Variants in PPIC observed in about 807,000 individuals in gnomAD.
The protein encoded by PPIC is peptidylprolyl isomerase C.
In PPIC, 19 loss-of-function variants were observed where a neutral mutation model predicts 19.5. That is an observed-to-expected ratio of 0.98 (90% CI 0.68 to 1.43). The LOEUF (loss-of-function observed/expected upper bound fraction) is 1.43. Ranked by LOEUF, PPIC falls within the 40% of genes most tolerant of loss-of-function variation. The pLI, the probability that PPIC is intolerant of heterozygous loss-of-function variation, is 0.00. For missense variants in PPIC, 268 were observed against 268.6 expected (o/e 1.00, Z 0.02); for synonymous variants, 107 against 101.2 (o/e 1.06, Z -0.34).
At position 123,036,650 on chromosome 5, in the gene PPIC, C is replaced by G; in HGVS notation, c.-25G>C. 2 of 1,546,140 alleles carry G rather than the reference C, an allele frequency of 1.3e-6. No individual in the cohort carries two copies. The highest frequency in any genetic ancestry group is 1.7e-4 in the Middle Eastern group (1 of 5,734). On this transcript the variant is annotated 5_prime_UTR_variant, in exon 1 of 5. Coordinates refer to ENST00000306442, the MANE Select transcript of PPIC (RefSeq NM_000943.5). This position sits in a 1 kb window ranked among gnomAD's most constrained non-coding sequence, Gnocchi z 4.5. ...TGGTGAGCGGTGGCAGCGGCGCTAC[C>G]GGCACGGGCGCTACCGGCACGGGCG... is the stretch of plus-strand genomic sequence containing the variant.
chr5:123,035,796 G>C (rs1373708814), intron 1 of PPIC, among the ~76,000 whole-genome samples: 1 of 152,160 alleles, frequency 6.6e-6, no homozygotes, highest in Non-Finnish European at 1.5e-5. Context: ...TTAAGTACGA[G>C]GAAGCCTTAA....
In PPIC at chr5:123,036,482, A is replaced by G. The variant is rs746217703; in HGVS notation, c.117+27T>C. 11 of 1,576,924 alleles carry G rather than the reference A, an allele frequency of 7.0e-6. No individual in the cohort carries two copies. The Admixed American group carries it at 8.5e-5, about 12-fold the overall frequency. On this transcript the variant is annotated intron_variant, in intron 1 of 4. Transcript: ENST00000306442. This position sits in a 1 kb window ranked among gnomAD's most constrained non-coding sequence, Gnocchi z 4.5. ...CCCAGGGCCCCGCCCGCAACAGGGG[A>G]AGTTGCAGCCCGCCGCTCTCGGTCA...
chr5:123,023,716 T>A lies in PPIC; in HGVS notation c.*159A>T. The A allele has an allele frequency of 8.6e-7, 1 of 1,164,856 alleles. No homozygotes were observed. Among genetic ancestry groups the A allele is most frequent in the Non-Finnish European group, 1.1e-6 (1 of 898,912 alleles). The allele number at this position is 1,164,856 out of a possible 1,614,324, so 72.2% of individuals were successfully genotyped here. ...ACTAAAGTTCAAGCAAACTAAAGGG[T>A]GACGGTTTGATTTTTATAACTTTCC... On this transcript the variant is annotated 3_prime_UTR_variant, in exon 5 of 5. Transcript: ENST00000306442.
Position 123,029,351 on chromosome 5 carries a change from A to G in PPIC, c.185T>C (p.Val62Ala), listed in dbSNP as rs149760468. 3.8e-5 allele frequency: 61 copies of G among 1,612,028 alleles called. 1 individual carries two copies. The highest frequency in any genetic ancestry group is 8.8e-5 in the South Asian group (8 of 90,630). ...GRIVIGLFGK[V>A]VPKTVENFVA... The stretch of plus-strand genomic sequence containing the variant: ...AAAATTTTCCACTGTCTTGGGCACA[A>G]CTTTTCCAAAGAGGCCAATCACAAT... Residue 62 changes from valine (V) to alanine (A), a missense_variant, in exon 2 of 5, where the codon GTT becomes GCT. Val to Ala is a moderately conservative substitution (Grantham distance 64). Coordinates refer to ENST00000306442, the MANE Select transcript of PPIC (RefSeq NM_000943.5).
At chr5:123,029,136 C>G (rs1214933879) in intron 2 of PPIC, 169 bp downstream of exon 2, 2 of 1,284,600 alleles carry the variant, frequency 1.6e-6, no homozygotes, top group Non-Finnish European at 2.1e-6. Flanking sequence ...TTTCCAGAAG[C>G]CTAAGGGCAC....
Position 123,025,847 on chromosome 5 carries a change from G to A in PPIC, c.447C>T (p.Thr149=). The part of the protein sequence containing the change: ...PDTNGSQFFI[T]LTKPTWLDGK... ...CGTCCAACCAGGTGGGCTTGGTCAA[G>A]GTGATAAAGAACTGAGAGCCATTGG... Residue 149 remains threonine, a synonymous_variant, in exon 4 of 5, where the codon ACC becomes ACT. Transcript: ENST00000306442. 1 of 1,614,094 alleles carries A rather than the reference G, an allele frequency of 6.2e-7. No individual in the cohort carries two copies. The highest frequency in any genetic ancestry group is 1.1e-5 in the South Asian group (1 of 91,050).
intron 4 of PPIC, 135 bp from the exon 5 acceptor site, chr5:123,024,138 T>C: frequency 5.0e-6 from 2 of 403,990 alleles, no homozygotes; most frequent in Non-Finnish European, 7.4e-6. Context: ...TTTTTATGAC[T>C]ACTAAGCGTT....
At chr5:123,031,713 T>C (rs1386173146) in intron 1 of PPIC, among the ~76,000 whole-genome samples, 3 of 152,208 alleles carry the variant, frequency 2.0e-5, no homozygotes, top group Non-Finnish European at 2.9e-5. Context: ...GGGGCTCTTA[T>C]ACCAGTTGAA....
Position 123,023,737 on chromosome 5 carries a change from T to C in PPIC, c.*138A>G. 1 of 1,290,582 alleles carries C rather than the reference T, an allele frequency of 7.7e-7. No individual in the cohort carries two copies. The highest frequency in any genetic ancestry group is 1.0e-6 in the Non-Finnish European group (1 of 993,706). The allele number at this position is 1,290,582 out of a possible 1,614,324, so 79.9% of individuals were successfully genotyped here. ...AGGGTGACGGTTTGATTTTTATAAC[T>C]TTCCTGTGATCTGGGATAGAATACA... On this transcript the variant is annotated 3_prime_UTR_variant, in exon 5 of 5. Transcript: ENST00000306442.
intron 1 of PPIC, among the ~76,000 whole-genome samples, chr5:123,035,666 T>C (rs1221407757): frequency 6.6e-6 from 1 of 152,098 alleles, no homozygotes; most frequent in African/African-American, 2.4e-5. Context: ...AAGACACTAT[T>C]GCCAGTGGGT....
In PPIC at chr5:123,035,510, C is replaced by T. The variant is rs1762994541; in HGVS notation, c.117+999G>A. On this transcript the variant is annotated intron_variant, in intron 1 of 4. Coordinates refer to ENST00000306442, the MANE Select transcript of PPIC (RefSeq NM_000943.5). Reference sequence around the variant, plus strand: ...GCTGAGCTGGACCTCCTCCTCCCCACCCCCTAGTCCTCCCCGTCCTCAGGT... The same window carrying T: ...GCTGAGCTGGACCTCCTCCTCCCCATCCCCTAGTCCTCCCCGTCCTCAGGT... Among the ~76,000 whole-genome samples the T allele has an allele frequency of 1.3e-5, 2 of 152,156 alleles. 1 individual carries two copies. Among genetic ancestry groups the T allele is most frequent in the South Asian group, 4.1e-4 (2 of 4,824 alleles).
At chr5:123,025,020 A>G (rs552441050) in intron 4 of PPIC, among the ~76,000 whole-genome samples, 64 of 152,342 alleles carry the variant, frequency 4.2e-4, no homozygotes, top group African/African-American at 1.5e-3. Context: ...CCAACAGTAT[A>G]GATTCAAATT....
At position 123,024,020 on chromosome 5, in the gene PPIC, A is replaced by G; in HGVS notation, c.511-17T>C. Reference sequence around the variant, plus strand: ...CACCACTGTCTGGTGAGAGAAAAGTAGACACATGGTTTAATTCTGACCAGC... The same window carrying G: ...CACCACTGTCTGGTGAGAGAAAAGTGGACACATGGTTTAATTCTGACCAGC... On this transcript the variant is annotated splice_polypyrimidine_tract_variant and intron_variant, in intron 4 of 4. Coordinates refer to ENST00000306442, the MANE Select transcript of PPIC (RefSeq NM_000943.5). The G allele has an allele frequency of 6.2e-7, 1 of 1,610,344 alleles. No homozygotes were observed. Among genetic ancestry groups the G allele is most frequent in the Non-Finnish European group, 8.5e-7 (1 of 1,177,796 alleles).
Position 123,030,336 on chromosome 5 carries a change from C to T in PPIC, c.118-918G>A, listed in dbSNP as rs149009535. Among the ~76,000 whole-genome samples, 594 of 152,228 alleles carry T rather than the reference C, an allele frequency of 3.9e-3. 2 individuals are homozygous for T. Among genetic ancestry groups the T allele is most frequent in the South Asian group, 6.0e-3 (29 of 4,828 alleles). ...GTGTTAAGATGATTCTGAAATAGAA[C>T]GCTTGAAAAGGCCACAGAGTCAAAG... is the stretch of plus-strand genomic sequence containing the variant. On this transcript the variant is annotated intron_variant, in intron 1 of 4. Coordinates refer to ENST00000306442, the MANE Select transcript of PPIC (RefSeq NM_000943.5).
In PPIC at chr5:123,036,692, A is replaced by G. The variant is rs1763021631; in HGVS notation, c.-67T>C. On this transcript the variant is annotated 5_prime_UTR_variant, in exon 1 of 5. Coordinates refer to ENST00000306442, the MANE Select transcript of PPIC (RefSeq NM_000943.5). This position sits in a 1 kb window ranked among gnomAD's most constrained non-coding sequence, Gnocchi z 4.5. Reference sequence around the variant, plus strand: ...GCACGGGCGCGACACAGGCTCTGGGACAGCTGACGGGACTGCCGGCCGGCT... The same window carrying G: ...GCACGGGCGCGACACAGGCTCTGGGGCAGCTGACGGGACTGCCGGCCGGCT... The G allele has an allele frequency of 7.2e-7, 1 of 1,388,912 alleles. No homozygotes were observed. Among genetic ancestry groups the G allele is most frequent in the Non-Finnish European group, 9.9e-7 (1 of 1,013,556 alleles). The allele number at this position is 1,388,912 out of a possible 1,614,324, so 86.0% of individuals were successfully genotyped here. A position where few individuals can be genotyped will look rare whatever the true frequency, so the allele number is the denominator to read the frequency against.
chr5:123,029,728 TC>T (rs1044051785), intron 1 of PPIC, among the ~76,000 whole-genome samples: 1 of 152,104 alleles, frequency 6.6e-6, no homozygotes, highest in African/African-American at 2.4e-5. Flanking sequence ...ATTCTTCTCT[TC>T]CCATACCCCA....
chr5:123,025,825 C>A lies in PPIC; in HGVS notation c.469G>T (p.Asp157Tyr). 1 of 1,613,930 alleles carries A rather than the reference C, an allele frequency of 6.2e-7. No homozygotes were observed. The highest frequency in any genetic ancestry group is 8.5e-7 in the Non-Finnish European group (1 of 1,179,976). ...FITLTKPTWL[D>Y]GKHVVFGKVI... is the part of the protein sequence containing the mutation. Reference sequence around the variant, plus strand: ...TTTCCAAACACCACATGTTTGCCGTCCAACCAGGTGGGCTTGGTCAAGGTG... The same window carrying A: ...TTTCCAAACACCACATGTTTGCCGTACAACCAGGTGGGCTTGGTCAAGGTG... Residue 157 changes from aspartate (D) to tyrosine (Y), a missense_variant, in exon 4 of 5, where the codon GAC becomes TAC. Asp to Tyr is a radical substitution (Grantham distance 160, BLOSUM62 -3). Transcript: ENST00000306442.
intron 4 of PPIC, 51 bp downstream of exon 4, chr5:123,025,732 TA>T: frequency 6.5e-7 from 1 of 1,534,794 alleles, no homozygotes. Context: ...TCACTGAAAG[TA>T]CTCTCAATAA....
At chr5:123,033,769 AG>A (rs1481051690) in intron 1 of PPIC, among the ~76,000 whole-genome samples, 10 of 152,362 alleles carry the variant, frequency 6.6e-5, no homozygotes, top group African/African-American at 2.4e-4. Flanking sequence ...AAGGCCATCT[AG>A]CCACAGCCTC....
Sources: gnomAD v4.1 joint callset for allele counts (sites outside exome capture counted in the v4.1 genomes callset) on GRCh38, gnomAD v4.1.1 for gene constraint, Gnocchi (gnomAD v3.1) non-coding constraint, MANE v1.5 for transcripts, NCBI Gene and HGNC (gene_info 2026-07-23, HGNC 2026-07-21) for gene names.